Variants in C8B observed in about 807,000 individuals in gnomAD.
C8B encodes complement component C8 beta chain.
A neutral mutation model predicts 64.6 loss-of-function variants in C8B; 67 were observed. The observed-to-expected ratio is 1.04, with a 90% CI of 0.85 to 1.27. C8B has a LOEUF of 1.27. C8B is among the 50% of genes most tolerant of loss of function. The pLI, the probability that C8B is intolerant of heterozygous loss-of-function variation, is 0.00. For synonymous variants in C8B, 284 were observed against 257.7 expected, an observed-to-expected ratio of 1.10 and a Z score of -0.98; for missense variants, 790 against 725.2, an observed-to-expected ratio of 1.09 and a Z score of -1.03.
At chr1:56,934,104 C>T (rs1349412823) in intron 9 of C8B, among the ~76,000 whole-genome samples, 2 of 151,982 alleles carry the variant, frequency 1.3e-5, no homozygotes, top group Non-Finnish European at 2.9e-5. Flanking sequence ...GAAACAAATC[C>T]CATGTTTTTT....
rs527633200 is a variant in C8B at position 56,945,370 on chromosome 1, G to A, written c.1105+451C>T. Among the ~76,000 whole-genome samples, 18 of 152,312 alleles carry A rather than the reference G, an allele frequency of 1.2e-4. 1 individual carries two copies. In the South Asian group the frequency reaches 1.7e-3, roughly 14 times the overall value. ...GTTTTATGGCTTGAGCCACTGGTTC[G>A]TTGGTGGAACCGTTTCTGAGATGTA... On this transcript the variant is annotated intron_variant, in intron 7 of 11. Coordinates refer to ENST00000371237, the MANE Select transcript of C8B (RefSeq NM_000066.4).
intron 9 of C8B, among the ~76,000 whole-genome samples, chr1:56,936,196 A>G (rs939924543): frequency 6.6e-6 from 1 of 152,250 alleles, no homozygotes; most frequent in Non-Finnish European, 1.5e-5. Context: ...ATGAAAAGCT[A>G]TAAGCATTTT....
At chr1:56,954,610 C>T in intron 4 of C8B, 76 bp downstream of exon 4, 22 of 1,569,112 alleles carry the variant, frequency 1.4e-5, no homozygotes, top group Non-Finnish European at 1.9e-5. Context: ...TATATCAGTT[C>T]TCTCATTCTC....
At chr1:56,961,607 T>C (rs1221424422) in intron 1 of C8B, among the ~76,000 whole-genome samples, 3 of 152,164 alleles carry the variant, frequency 2.0e-5, no homozygotes, top group Non-Finnish European at 4.4e-5. Flanking sequence ...CCAACATCTA[T>C]GTAAGGCCTC....
intron 8 of C8B, among the ~76,000 whole-genome samples, chr1:56,943,091 A>T (rs2101396179): frequency 6.6e-6 from 1 of 151,804 alleles, no homozygotes; most frequent in Admixed American, 6.5e-5. Flanking sequence ...TAAAAATAAA[A>T]AATAAAAAAT....
chr1:56,965,574 C>T (rs186792000), intron 1 of C8B, among the ~76,000 whole-genome samples: 256 of 152,220 alleles, frequency 1.7e-3, no homozygotes, highest in Non-Finnish European at 2.3e-3. Context: ...AAGAATCACA[C>T]GGAGGCTTTG....
chr1:56,952,408 G>A (rs1645036282), intron 4 of C8B, among the ~76,000 whole-genome samples: 1 of 152,138 alleles, frequency 6.6e-6, no homozygotes, highest in Non-Finnish European at 1.5e-5. Flanking sequence ...AGTCTACTCA[G>A]CTCCTTCTGT....
At position 56,943,707 on chromosome 1, in the gene C8B, T is replaced by C. The variant is rs751927763; in HGVS notation, c.1223A>G (p.Asn408Ser). Residue 408 changes from asparagine to serine, a missense_variant, in exon 8 of 12, where the codon AAT becomes AGT. Transcript: ENST00000371237. ...CCCCTGTCACTCACCTTTTATTTCATTCAGAATACCTCTGCATTTGCCTAC... is the reference window on the plus strand; with the variant it reads ...CCCCTGTCACTCACCTTTTATTTCACTCAGAATACCTCTGCATTTGCCTAC... ...VSVGKCRGIL[N>S]EIKDRNKRDT... The C allele has an allele frequency of 2.8e-5, 45 of 1,613,944 alleles. 1 individual carries two copies. In the South Asian group the frequency reaches 4.5e-4, roughly 16 times the overall value.
chr1:56,936,782 T>C (rs1242964508), intron 9 of C8B, among the ~76,000 whole-genome samples: 1 of 151,958 alleles, frequency 6.6e-6, no homozygotes, highest in African/African-American at 2.4e-5. Flanking sequence ...TTAGTAGAGA[T>C]GGTTTTCACC....
chr1:56,929,663 T>A, intron 11 of C8B, 105 bp from the exon 12 acceptor site: 1 of 1,045,914 alleles, frequency 9.6e-7, no homozygotes, highest in Non-Finnish European at 1.5e-6. Context: ...GGAGTCTGAA[T>A]CTCTGAGCTC....
Position 56,952,107 on chromosome 1 carries a change from G to A in C8B, c.607C>T (p.His203Tyr). ...CTAAACCTCGTGTTCAGGATGTAAT[G>A]CGGGGAGCATCCACCTGCATAATAC... Reference protein sequence around the residue: ...HRYYAGGCSPHYILNTRFRKP... With the variant: ...HRYYAGGCSPYYILNTRFRKP... Residue 203 changes from histidine (H) to tyrosine (Y), a missense_variant, in exon 5 of 12, where the codon CAT becomes TAT. Transcript: ENST00000371237. The A allele has an allele frequency of 6.2e-7, 1 of 1,614,146 alleles. No individual in the cohort carries two copies. The highest frequency in any genetic ancestry group is 8.5e-7 in the Non-Finnish European group (1 of 1,179,998).
In C8B at chr1:56,940,887, C is replaced by T. The variant is rs748538138; in HGVS notation, c.1360G>A (p.Asp454Asn). Residue 454 changes from aspartate (D) to asparagine (N), a missense_variant, in exon 9 of 12, where the codon GAC (aspartate) becomes AAC (asparagine). Physicochemically the swap from Asp to Asn is conservative, Grantham distance 23. Coordinates refer to ENST00000371237, the MANE Select transcript of C8B (RefSeq NM_000066.4). Reference protein sequence around the residue: ...PTADLMQEWGDAVQYNPAIIK... With the variant: ...PTADLMQEWGNAVQYNPAIIK... ...ATGGCTGGGTTGTACTGCACAGCGT[C>T]TCCCCACTCCTGCATCAGGTCCGCC... 6.2e-7 allele frequency: 1 copy of T among 1,614,014 alleles called. No individual in the cohort carries two copies. Among genetic ancestry groups the T allele is most frequent in the Non-Finnish European group, 8.5e-7 (1 of 1,180,022 alleles).
At chr1:56,947,901 A>G (rs1471762691) in intron 6 of C8B, among the ~76,000 whole-genome samples, 2 of 152,192 alleles carry the variant, frequency 1.3e-5, no homozygotes, top group Non-Finnish European at 2.9e-5. Context: ...ACTGCACTCC[A>G]GCCTGGGCAA....
chr1:56,940,786 T>C (rs747385843), intron 9 of C8B, 63 bp downstream of exon 9: 4 of 1,594,568 alleles, frequency 2.5e-6, no homozygotes, highest in Non-Finnish European at 2.6e-6. Flanking sequence ...CCTTGGCTCA[T>C]GGTAGGTCCT....
At chr1:56,945,452 C>T (rs76650709) in intron 7 of C8B, among the ~76,000 whole-genome samples, 134 of 152,276 alleles carry the variant, frequency 8.8e-4, no homozygotes, top group African/African-American at 2.9e-3. Flanking sequence ...TCTTTGGGCA[C>T]ATGTTCAGCT....
intron 11 of C8B, chr1:56,931,541 C>T: frequency 2.5e-6 from 1 of 405,756 alleles, no homozygotes; most frequent in Non-Finnish European, 4.7e-6. Flanking sequence ...GTAAGCATTC[C>T]AGAATGATCC....
chr1:56,930,307 G>A (rs1644681444), intron 11 of C8B, among the ~76,000 whole-genome samples: 1 of 152,164 alleles, frequency 6.6e-6, no homozygotes, highest in African/African-American at 2.4e-5. Context: ...TTGATTGTTG[G>A]TGAGATTGGC....
chr1:56,955,367 A>G (rs1216884077), intron 3 of C8B, among the ~76,000 whole-genome samples: 1 of 152,230 alleles, frequency 6.6e-6, no homozygotes, highest in Non-Finnish European at 1.5e-5. Context: ...TCTAATCACA[A>G]ATTCTTCCCA....
At chr1:56,963,881 T>C in intron 1 of C8B, 1 of 985,382 alleles carries the variant, frequency 1.0e-6, no homozygotes, top group Non-Finnish European at 1.2e-6. Context: ...TCTGACTTGA[T>C]TACAAGAGTA....
Sources: allele counts gnomAD v4.1 joint callset (sites outside exome capture counted in the v4.1 genomes callset), GRCh38; gene constraint gnomAD v4.1.1; transcripts MANE v1.5; gene names NCBI Gene and HGNC (gene_info 2026-07-23, HGNC 2026-07-21).